Variants in IQGAP2 observed in about 807,000 individuals in gnomAD.
IQGAP2 encodes IQ motif containing GTPase activating protein 2, also known as ras GTPase-activating-like protein IQGAP2.
In IQGAP2, 173 loss-of-function variants were observed where a neutral mutation model predicts 201.3. The observed-to-expected ratio is 0.86, with a 90% confidence interval of 0.76 to 0.98. IQGAP2 has a LOEUF of 0.98. IQGAP2 is among the 50% of genes least tolerant of loss of function. The pLI is 0.00. For synonymous variants in IQGAP2, 675 were observed against 673.9 expected, an observed-to-expected ratio of 1.00 and a Z score of -0.03; for missense variants, 1,687 against 1,864.8, an observed-to-expected ratio of 0.90 and a Z score of 1.76.
intron 2 of IQGAP2, among the ~76,000 whole-genome samples, chr5:76,468,354 T>C (rs1230925861): frequency 6.6e-6 from 1 of 152,196 alleles, no homozygotes; most frequent in Non-Finnish European, 1.5e-5. Context: ...CAACAAATAA[T>C]GCTGTGCTCA....
At chr5:76,511,813 T>C (rs1757984429) in intron 2 of IQGAP2, among the ~76,000 whole-genome samples, 1 of 151,622 alleles carries the variant, frequency 6.6e-6, no homozygotes, top group South Asian at 2.1e-4. Context: ...CCCGAGTAGC[T>C]GGGACTACAG....
At chr5:76,487,150 G>A (rs1756208927) in intron 2 of IQGAP2, among the ~76,000 whole-genome samples, 1 of 149,094 alleles carries the variant, frequency 6.7e-6, no homozygotes, top group Non-Finnish European at 1.5e-5. Context: ...CCAGGCTGGA[G>A]TGCAGTGGCA....
At chr5:76,689,251 A>AGGAATCCT in intron 30 of IQGAP2, among the ~76,000 whole-genome samples, 1 of 149,498 alleles carries the variant, frequency 6.7e-6, no homozygotes, top group Non-Finnish European at 1.5e-5. Flanking sequence ...AAAAAAAAAA[A>AGGAATCCT]AAAAACCTGG....
At chr5:76,441,574 G>A in intron 1 of IQGAP2, 8 of 939,652 alleles carry the variant, frequency 8.5e-6, no homozygotes, top group South Asian at 4.9e-5. Context: ...GGCAGGGTTC[G>A]TGAATCTCAG....
chr5:76,634,136 T>C (rs1329142470), intron 15 of IQGAP2, among the ~76,000 whole-genome samples: 2 of 152,158 alleles, frequency 1.3e-5, no homozygotes, highest in East Asian at 3.9e-4. Flanking sequence ...CCTTAATAAA[T>C]AAAGTTTCAC....
rs1206657528 is a variant in IQGAP2, at chr5:76,462,955, CAA to C, written c.146+1291_146+1292del. ...AAACATGCTTTTAGTCAAGTTGTCGCAAAAAAGTTAGATAAGGAGATTGATTC... is the reference window on the plus strand; with the variant it reads ...AAACATGCTTTTAGTCAAGTTGTCGCAAAAGTTAGATAAGGAGATTGATTC... On this transcript the variant is annotated intron_variant, in intron 2 of 35. Transcript: ENST00000274364. Among the ~76,000 whole-genome samples, 9 of 151,162 alleles carry C rather than the reference CAA, an allele frequency of 6.0e-5. No homozygotes were observed. In the South Asian group the frequency reaches 8.3e-4, roughly 14 times the overall value.
intron 13 of IQGAP2, chr5:76,615,785 C>T (rs1748900063): frequency 6.6e-6 from 1 of 152,056 alleles, no homozygotes; most frequent in South Asian, 2.1e-4. Context: ...TTCCATTTCC[C>T]CATTAAAAGC....
chr5:76,530,092 G>A (rs1388695414), intron 2 of IQGAP2, among the ~76,000 whole-genome samples: 1 of 152,172 alleles, frequency 6.6e-6, no homozygotes, highest in African/African-American at 2.4e-5. Flanking sequence ...GGATGGTTTT[G>A]TGGGCTGTGT....
intron 13 of IQGAP2, among the ~76,000 whole-genome samples, chr5:76,625,359 T>C (rs1445774775): frequency 2.0e-5 from 3 of 152,202 alleles, no homozygotes; most frequent in African/African-American, 7.2e-5. Context: ...AATGAACTCA[T>C]AGAGCTTAGT....
chr5:76,705,813 T>C (rs1747842170), intron 35 of IQGAP2, among the ~76,000 whole-genome samples: 1 of 152,126 alleles, frequency 6.6e-6, no homozygotes, highest in South Asian at 2.1e-4. Context: ...AACAAGAAAA[T>C]GAGACTTAGA....
At chr5:76,418,513 T>C (rs1751540106) in intron 1 of IQGAP2, among the ~76,000 whole-genome samples, 1 of 151,356 alleles carries the variant, frequency 6.6e-6, no homozygotes, top group African/African-American at 2.4e-5. Flanking sequence ...GCCTGGGCAA[T>C]GTCAGGAGAC....
chr5:76,496,754 TTTCTTTCTTTCTTTCTTTCTTTCTTTC>T (rs1756972478), intron 2 of IQGAP2, among the ~76,000 whole-genome samples: 1 of 68,684 alleles, frequency 1.5e-5, no homozygotes, highest in African/African-American at 8.1e-5. Flanking sequence ...TCTTTCTTTC[TTTCTTTCTTTCTTTCTTTCTTTCTTTC>T]TTTCTTTCTT....
At chr5:76,516,787 A>G (rs1240185288) in intron 2 of IQGAP2, among the ~76,000 whole-genome samples, 1 of 152,226 alleles carries the variant, frequency 6.6e-6, no homozygotes, top group Non-Finnish European at 1.5e-5. Flanking sequence ...TTTGCAAGTT[A>G]TGTGCTTCAC....
intron 13 of IQGAP2, among the ~76,000 whole-genome samples, chr5:76,613,254 G>A (rs1237696040): frequency 6.6e-6 from 1 of 152,246 alleles, no homozygotes; most frequent in Non-Finnish European, 1.5e-5. Context: ...CATCCCAGGG[G>A]CAGGAGAGTG....
At chr5:76,686,751 C>T (rs1464750193) in intron 30 of IQGAP2, among the ~76,000 whole-genome samples, 12 of 152,086 alleles carry the variant, frequency 7.9e-5, no homozygotes, top group African/African-American at 2.4e-4. Flanking sequence ...CCTCATGATC[C>T]GCCCACCTCA....
chr5:76,436,476 CATATATATATATATATATAT>C lies in IQGAP2; in HGVS notation c.47-25071_47-25052del, dbSNP rs1283261181. On this transcript the variant is annotated intron_variant, in intron 1 of 35. Transcript: ENST00000274364. ...CTTTTTCTGCATCTATTGAGATGAT[CATATATATATATATATATAT>C]ATATATATATATATATATATATTTT... Among the ~76,000 whole-genome samples the C allele has an allele frequency of 9.3e-4, 20 of 21,474 alleles. No homozygotes were observed. The East Asian group carries it at 0.012, about 12-fold the overall frequency. The allele number at this position is 21,474 out of a possible 152,430, so 14.1% of individuals were successfully genotyped here.
intron 6 of IQGAP2, 129 bp downstream of exon 6, chr5:76,589,102 A>G (rs1004616906): frequency 2.1e-6 from 1 of 477,080 alleles, no homozygotes; most frequent in Non-Finnish European, 3.9e-6. Context: ...TCACAAGGTC[A>G]GGAGATCGAG....
chr5:76,695,572 A>G lies in IQGAP2; in HGVS notation c.4112A>G (p.Lys1371Arg), dbSNP rs747375256. Residue 1371 changes from lysine to arginine, a missense_variant, in exon 32 of 36, where the codon AAG becomes AGG. Coordinates refer to ENST00000274364, the MANE Select transcript of IQGAP2 (RefSeq NM_006633.5). ...EDAQLPLEQK[K>R]RKIQRNLRTL... is the part of the protein sequence containing the mutation. ...GCACAGCTGCCTCTTGAGCAGAAGA[A>G]GAGGAAAATCCAGAGGAATCTTCGG... 6.2e-7 allele frequency: 1 copy of G among 1,614,226 alleles called. No homozygotes were observed. The highest frequency in any genetic ancestry group is 8.5e-7 in the Non-Finnish European group (1 of 1,180,028).
intron 1 of IQGAP2, among the ~76,000 whole-genome samples, chr5:76,434,619 A>G (rs1409485195): frequency 6.6e-6 from 1 of 152,104 alleles, no homozygotes; most frequent in African/African-American, 2.4e-5. Flanking sequence ...GATTGGTCCC[A>G]TATCTTTGCA....
Sources: allele counts gnomAD v4.1 joint callset (sites outside exome capture counted in the v4.1 genomes callset), GRCh38; gene constraint gnomAD v4.1.1; transcripts MANE v1.5; gene names NCBI Gene and HGNC (gene_info 2026-07-23, HGNC 2026-07-21).